Variants in TTYH2 observed in about 807,000 individuals in gnomAD.
TTYH2 encodes tweety family member 2, also known as protein tweety homolog 2.
In TTYH2, 49 loss-of-function variants were observed where a neutral mutation model predicts 68.3. That is an observed-to-expected ratio of 0.72 (90% CI 0.57 to 0.91). The LOEUF (loss-of-function observed/expected upper bound fraction) is 0.91, where lower values mean the gene tolerates loss of function less well. TTYH2 is among the 40% of genes least tolerant of loss of function. The pLI is 0.00. For missense variants in TTYH2, 631 were observed against 700.4 expected (o/e 0.90, Z 1.12); for synonymous variants, 272 against 300.8 (o/e 0.90, Z 0.99).
rs145736576 is a variant in TTYH2, at chr17:74,247,491, G to A, written c.805-1520G>A. On this transcript the variant is annotated intron_variant, in intron 6 of 13. Coordinates refer to ENST00000269346, the MANE Select transcript of TTYH2 (RefSeq NM_032646.6). Reference sequence around the variant, plus strand: ...ATGGAGGCTCCAGGGTGGCCAAGGGGTGTGAAGAGCAGGCCTGGCCTGGGA... The same window carrying A: ...ATGGAGGCTCCAGGGTGGCCAAGGGATGTGAAGAGCAGGCCTGGCCTGGGA... Among the ~76,000 whole-genome samples the A allele has an allele frequency of 4.5e-3, 684 of 152,302 alleles. 7 individuals carry two copies. The highest frequency in any genetic ancestry group is 0.016 in the African/African-American group (661 of 41,572).
At chr17:74,252,010 T>G (rs12602798) in intron 10 of TTYH2, 9,303 of 570,518 alleles carry the variant, frequency 0.016, 648 homozygotes, top group African/African-American at 0.15. Flanking sequence ...AGTGCCCAGC[T>G]CACAGTAAGT....
At chr17:74,218,144 C>T (rs1253136975) in intron 1 of TTYH2, among the ~76,000 whole-genome samples, 2 of 147,500 alleles carry the variant, frequency 1.4e-5, no homozygotes, top group African/African-American at 5.0e-5. Flanking sequence ...CAGGTGCCAC[C>T]AAGCTGGCCC....
intron 6 of TTYH2, among the ~76,000 whole-genome samples, chr17:74,246,728 T>C (rs1567818588): frequency 6.6e-6 from 1 of 152,152 alleles, no homozygotes; most frequent in Non-Finnish European, 1.5e-5. Flanking sequence ...TACCCAAGAC[T>C]GGGCAATTTA....
In TTYH2 at chr17:74,252,348, C is replaced by T; in HGVS notation, c.1231C>T (p.Pro411Ser). Residue 411 changes from proline (P) to serine (S), a missense_variant, in exon 11 of 14, where the codon CCA (proline) becomes TCA (serine). Transcript: ENST00000269346. Reference sequence around the variant, plus strand: ...CTTCTCCACCATGATCTGTGCAGGGCCAAGGGCCTGGAAGCACTTCACCAC... The same window carrying T: ...CTTCTCCACCATGATCTGTGCAGGGTCAAGGGCCTGGAAGCACTTCACCAC... ...LAFSTMICAGPRAWKHFTTRN... is the reference protein window; with the variant it reads ...LAFSTMICAGSRAWKHFTTRN... The T allele has an allele frequency of 6.2e-7, 1 of 1,613,820 alleles. No individual in the cohort carries two copies. Among genetic ancestry groups the T allele is most frequent in the South Asian group, 1.1e-5 (1 of 91,086 alleles).
rs2050397421 is a variant in TTYH2, at chr17:74,232,266, T to A, written c.414+1267T>A. Among the ~76,000 whole-genome samples, 1 of 152,036 alleles carries A rather than the reference T, an allele frequency of 6.6e-6. No individual in the cohort carries two copies. Among genetic ancestry groups the A allele is most frequent in the African/African-American group, 2.4e-5 (1 of 41,370 alleles). ...CTCAGTCAACAAGGGGGGTCGGGGG[T>A]GTCACCTTAAAGAGACAGCTGTGCT... On this transcript the variant is annotated intron_variant, in intron 3 of 13. Coordinates refer to ENST00000269346, the MANE Select transcript of TTYH2 (RefSeq NM_032646.6). The surrounding 1 kb of genome is among the most constrained non-coding windows in gnomAD (Gnocchi z 5.1).
intron 13 of TTYH2, among the ~76,000 whole-genome samples, chr17:74,258,456 A>G (rs1598237290): frequency 6.6e-6 from 1 of 151,974 alleles, no homozygotes. Context: ...TAGTAGAGAC[A>G]GGGTTTCACC....
intron 11 of TTYH2, 92 bp downstream of exon 11, chr17:74,252,468 A>C: frequency 6.9e-7 from 1 of 1,456,522 alleles, no homozygotes; most frequent in African/African-American, 1.4e-5. Flanking sequence ...TTAGCTGATA[A>C]CCCAGGACTG....
chr17:74,225,685 C>T (rs2050322616), intron 2 of TTYH2, among the ~76,000 whole-genome samples: 1 of 152,206 alleles, frequency 6.6e-6, no homozygotes, highest in African/African-American at 2.4e-5. Flanking sequence ...GCCACACAGC[C>T]TGCCTATCAG....
At chr17:74,243,308 C>T (rs1486469862) in intron 4 of TTYH2, 66 bp from the exon 5 acceptor site, 19 of 1,379,108 alleles carry the variant, frequency 1.4e-5, no homozygotes, top group East Asian at 4.6e-5. Context: ...GTGCAGGCCT[C>T]TCACGTGGCC....
chr17:74,252,427 G>C (rs1406450827), intron 11 of TTYH2, 51 bp downstream of exon 11: 13 of 1,593,744 alleles, frequency 8.2e-6, no homozygotes, highest in African/African-American at 2.7e-5. Flanking sequence ...AGTTCTGGGA[G>C]AGCAGCAGAC....
At chr17:74,250,970 T>C (rs569445794) in intron 10 of TTYH2, among the ~76,000 whole-genome samples, 1 of 152,340 alleles carries the variant, frequency 6.6e-6, no homozygotes, top group Admixed American at 6.5e-5. Flanking sequence ...GAACCACACG[T>C]TATTTCCTAG....
At chr17:74,240,061 G>A (rs1408977623) in intron 4 of TTYH2, among the ~76,000 whole-genome samples, 1 of 152,208 alleles carries the variant, frequency 6.6e-6, no homozygotes, top group Non-Finnish European at 1.5e-5. Context: ...AATAGTGGAA[G>A]GATGGTGTCA....
chr17:74,219,403 A>AAAAAAAAAAAAAAAAAAAAAAAAAAAG lies in TTYH2; in HGVS notation c.130-3082_130-3081insAAAAAAAAAAAAAAAAAAAAAAAAAAG, dbSNP rs1241503126. 7.4e-4 allele frequency among the ~76,000 whole-genome samples: 110 copies of AAAAAAAAAAAAAAAAAAAAAAAAAAAG among 149,586 alleles called. 2 individuals carry two copies. Among genetic ancestry groups the AAAAAAAAAAAAAAAAAAAAAAAAAAAG allele is most frequent in the African/African-American group, 2.7e-3 (104 of 39,218 alleles). ...ACTCCGTGTCAAAAAAAAAAAAAAAAGAATAACTTACAGGAAAGAGTGCAG... is the reference window on the plus strand; with the variant it reads ...ACTCCGTGTCAAAAAAAAAAAAAAAAAAAAAAAAAAAAAAAAAAAAAAAAAAGGAATAACTTACAGGAAAGAGTGCAG... On this transcript the variant is annotated intron_variant, in intron 1 of 13. Coordinates refer to ENST00000269346, the MANE Select transcript of TTYH2 (RefSeq NM_032646.6).
rs951446886 is a variant in TTYH2, at chr17:74,214,143, C to G, written c.129+427C>G. ...GTCTGAGATTCCAAGATGGGGCGCT[C>G]TCTTTCCGGGGCTGAGTGGCCTAGG... On this transcript the variant is annotated intron_variant, in intron 1 of 13. Coordinates refer to ENST00000269346, the MANE Select transcript of TTYH2 (RefSeq NM_032646.6). This position sits in a 1 kb window ranked among gnomAD's most constrained non-coding sequence, Gnocchi z 4.6. Among the ~76,000 whole-genome samples the G allele has an allele frequency of 6.6e-6, 1 of 152,166 alleles. No homozygotes were observed. The highest frequency in any genetic ancestry group is 2.4e-5 in the African/African-American group (1 of 41,448).
chr17:74,240,084 C>G (rs2050483739), intron 4 of TTYH2, among the ~76,000 whole-genome samples: 1 of 152,156 alleles, frequency 6.6e-6, no homozygotes, highest in African/African-American at 2.4e-5. Flanking sequence ...TGCACATCAG[C>G]TATTTCAGCG....
At position 74,217,273 on chromosome 17, in the gene TTYH2, C is replaced by T. The variant is rs76292593; in HGVS notation, c.129+3557C>T. 5.3e-3 allele frequency among the ~76,000 whole-genome samples: 802 copies of T among 152,308 alleles called. 5 individuals carry two copies. The highest frequency in any genetic ancestry group is 0.018 in the African/African-American group (743 of 41,562). ...CCAGCTTCCCTTGCCCAGGATCAGC[C>T]GACCAGCTGCTCTTTGGGGACATGT... On this transcript the variant is annotated intron_variant, in intron 1 of 13. Coordinates refer to ENST00000269346, the MANE Select transcript of TTYH2 (RefSeq NM_032646.6). This position sits in a 1 kb window ranked among gnomAD's most constrained non-coding sequence, Gnocchi z 4.0.
rs1411043452 is a variant in TTYH2 at position 74,214,561 on chromosome 17, G to C, written c.129+845G>C. ...TTCCCTACTCTGCTGACCCTTGGCA[G>C]GATTCTGCACCCCACAAACAGGGCC... On this transcript the variant is annotated intron_variant, in intron 1 of 13. Transcript: ENST00000269346. The surrounding 1 kb of genome is among the most constrained non-coding windows in gnomAD (Gnocchi z 4.6). 6.6e-6 allele frequency among the ~76,000 whole-genome samples: 1 copy of C among 152,174 alleles called. No homozygotes were observed. The highest frequency in any genetic ancestry group is 1.5e-5 in the Non-Finnish European group (1 of 68,038).
In TTYH2 at chr17:74,239,198, C is replaced by CCT. The variant is rs373207313; in HGVS notation, c.635+1688_635+1689dup. ...ATCGGCGGAGCAGGGACCTGCTGCC[C>CCT]CTCTCCAGGTGCAGGGTCCAGCGAA... is the stretch of plus-strand genomic sequence containing the variant. On this transcript the variant is annotated intron_variant, in intron 4 of 13. Coordinates refer to ENST00000269346, the MANE Select transcript of TTYH2 (RefSeq NM_032646.6). This position sits in a 1 kb window ranked among gnomAD's most constrained non-coding sequence, Gnocchi z 5.3. Among the ~76,000 whole-genome samples, 589 of 152,352 alleles carry CCT rather than the reference C, an allele frequency of 3.9e-3. 3 individuals carry two copies. Among genetic ancestry groups the CCT allele is most frequent in the African/African-American group, 0.014 (569 of 41,586 alleles).
chr17:74,238,323 C>G (rs2050464976), intron 4 of TTYH2, among the ~76,000 whole-genome samples: 1 of 152,210 alleles, frequency 6.6e-6, no homozygotes. Flanking sequence ...ACCTACAAGT[C>G]ATTGTGCTCC....
Sources: gnomAD v4.1 joint callset for allele counts (sites outside exome capture counted in the v4.1 genomes callset) on GRCh38, gnomAD v4.1.1 for gene constraint, Gnocchi (gnomAD v3.1) non-coding constraint, MANE v1.5 for transcripts, NCBI Gene and HGNC (gene_info 2026-07-23, HGNC 2026-07-21) for gene names.